RBFOX1: variants seen among roughly 807,000 people sequenced by gnomAD.
RBFOX1 encodes RNA binding fox-1 homolog 1.
A neutral mutation model predicts 57.7 loss-of-function variants in RBFOX1; 8 were observed. The observed-to-expected ratio is 0.14, with a 90% CI of 0.08 to 0.25. The LOEUF (loss-of-function observed/expected upper bound fraction) is 0.25. Ranked by LOEUF, RBFOX1 falls within the 10% of genes least tolerant of loss-of-function variation. The pLI is 1.00. For synonymous variants in RBFOX1, 326 were observed against 222.4 expected (o/e 1.47, Z -4.15); for missense variants, 611 against 548.5 (o/e 1.11, Z -1.14).
intron 3 of RBFOX1, among the ~76,000 whole-genome samples, chr16:5,665,541 G>A (rs1350568882): frequency 6.6e-6 from 1 of 152,196 alleles, no homozygotes; most frequent in Non-Finnish European, 1.5e-5. Flanking sequence ...TATGTTTGCT[G>A]TTTCCCTGAC....
chr16:7,698,970 A>T (rs935365963), intron 14 of RBFOX1, among the ~76,000 whole-genome samples: 4 of 152,142 alleles, frequency 2.6e-5, no homozygotes, highest in African/African-American at 9.7e-5. Context: ...GCAGAATTTT[A>T]AAAAATGGAA....
chr16:6,412,853 G>A (rs540093699), intron 2 of RBFOX1, among the ~76,000 whole-genome samples: 32 of 152,312 alleles, frequency 2.1e-4, no homozygotes, highest in African/African-American at 7.7e-4. Flanking sequence ...AGAGTTACTG[G>A]AGCGTGCACC....
chr16:7,473,419 T>G (rs1311920499), intron 4 of RBFOX1, among the ~76,000 whole-genome samples: 1 of 148,092 alleles, frequency 6.8e-6, no homozygotes, highest in Non-Finnish European at 1.5e-5. Flanking sequence ...ATGTTATATA[T>G]ACATAGTATA....
At chr16:5,451,738 A>G (rs1297715958) in intron 1 of RBFOX1, among the ~76,000 whole-genome samples, 1 of 152,202 alleles carries the variant, frequency 6.6e-6, no homozygotes, top group Non-Finnish European at 1.5e-5. Flanking sequence ...CGGGTTCCAC[A>G]TACGGATACC....
At chr16:6,456,711 G>A (rs2094782800) in intron 2 of RBFOX1, among the ~76,000 whole-genome samples, 1 of 152,154 alleles carries the variant, frequency 6.6e-6, no homozygotes, top group Non-Finnish European at 1.5e-5. Context: ...GGGAATAATG[G>A]CTATGGGAAT....
At chr16:6,410,245 A>C (rs920419280) in intron 2 of RBFOX1, among the ~76,000 whole-genome samples, 3 of 150,846 alleles carry the variant, frequency 2.0e-5, no homozygotes, top group Non-Finnish European at 4.4e-5. Context: ...CAAGAAAATA[A>C]ATAATCCAAA....
At chr16:7,705,125 A>AAACAT (rs2082020635) in intron 14 of RBFOX1, among the ~76,000 whole-genome samples, 1 of 152,046 alleles carries the variant, frequency 6.6e-6, no homozygotes, top group African/African-American at 2.4e-5. Flanking sequence ...ATTTGATTTG[A>AAACAT]AACATAAAAG....
At chr16:6,451,497 A>G (rs1793331196) in intron 2 of RBFOX1, among the ~76,000 whole-genome samples, 1 of 152,150 alleles carries the variant, frequency 6.6e-6, no homozygotes, top group African/African-American at 2.4e-5. Context: ...CAGTTGCTCA[A>G]CACTTCCACC....
intron 4 of RBFOX1, among the ~76,000 whole-genome samples, chr16:7,203,845 A>C (rs979600985): frequency 1.3e-5 from 2 of 152,226 alleles, no homozygotes; most frequent in Non-Finnish European, 2.9e-5. Context: ...GGATTTAACC[A>C]GAAATCTAAG....
intron 4 of RBFOX1, among the ~76,000 whole-genome samples, chr16:7,445,260 T>C (rs1175634267): frequency 6.6e-6 from 1 of 152,076 alleles, no homozygotes; most frequent in African/African-American, 2.4e-5. Context: ...AAATTAATAA[T>C]AGGAAATTAG....
intron 13 of RBFOX1, among the ~76,000 whole-genome samples, chr16:7,670,386 A>G (rs1337069806): frequency 6.6e-6 from 1 of 152,222 alleles, no homozygotes; most frequent in African/African-American, 2.4e-5. Context: ...AAAAATCTTC[A>G]GACACTGGGC....
intron 1 of RBFOX1, among the ~76,000 whole-genome samples, chr16:5,342,474 A>G (rs1324221440): frequency 6.6e-6 from 1 of 152,190 alleles, no homozygotes; most frequent in Non-Finnish European, 1.5e-5. Context: ...AATGTCATCT[A>G]ATCTCCATGG....
intron 5 of RBFOX1, among the ~76,000 whole-genome samples, chr16:7,571,326 G>A (rs2092750585): frequency 6.6e-6 from 1 of 152,130 alleles, no homozygotes; most frequent in East Asian, 1.9e-4. Context: ...GAAACCCCAG[G>A]AGGGGGACAG....
chr16:5,628,886 C>T (rs1596508405), intron 3 of RBFOX1, among the ~76,000 whole-genome samples: 1 of 152,138 alleles, frequency 6.6e-6, no homozygotes, highest in Non-Finnish European at 1.5e-5. Flanking sequence ...AAGCTAAGTC[C>T]TAAGACGTTA....
At chr16:6,555,559 G>T (rs113113740) in intron 2 of RBFOX1, among the ~76,000 whole-genome samples, 1 of 151,948 alleles carries the variant, frequency 6.6e-6, no homozygotes, top group Non-Finnish European at 1.5e-5. Flanking sequence ...AATTAGCCGG[G>T]CGTGGTGGCG....
At chr16:7,373,872 G>T (rs1273030631) in intron 4 of RBFOX1, among the ~76,000 whole-genome samples, 1 of 152,188 alleles carries the variant, frequency 6.6e-6, no homozygotes, top group African/African-American at 2.4e-5. Flanking sequence ...GTGAGAGAGA[G>T]TTTAGGTACA....
At chr16:6,585,010 C>T (rs1404818794) in intron 2 of RBFOX1, among the ~76,000 whole-genome samples, 2 of 152,136 alleles carry the variant, frequency 1.3e-5, no homozygotes, top group African/African-American at 2.4e-5. Context: ...TGCAGGCAAG[C>T]GGATTCCCAG....
At chr16:5,706,450 C>G (rs1177538520) in intron 3 of RBFOX1, among the ~76,000 whole-genome samples, 1 of 152,118 alleles carries the variant, frequency 6.6e-6, no homozygotes. Context: ...GGTGCTCCCC[C>G]GTCATTTATG....
chr16:6,891,920 C>A lies in RBFOX1; in HGVS notation c.-15-160137C>A, dbSNP rs1030608271. 2.6e-5 allele frequency among the ~76,000 whole-genome samples: 4 copies of A among 152,150 alleles called. No individual in the cohort carries two copies. In the East Asian group the frequency reaches 7.7e-4, roughly 29 times the overall value. On this transcript the variant is annotated intron_variant, in intron 3 of 15. Coordinates refer to ENST00000550418, the MANE Select transcript of RBFOX1 (RefSeq NM_018723.4). ...CTCATTCTTTTCTTCCCTTTCTTTCCAGCAAGTCGGTTTTCTGAGAAGGAG... is the reference window on the plus strand; with the variant it reads ...CTCATTCTTTTCTTCCCTTTCTTTCAAGCAAGTCGGTTTTCTGAGAAGGAG...
Sources: gnomAD v4.1 joint callset for allele counts (sites outside exome capture counted in the v4.1 genomes callset) on GRCh38, gnomAD v4.1.1 for gene constraint, MANE v1.5 for transcripts, NCBI Gene and HGNC (gene_info 2026-07-23, HGNC 2026-07-21) for gene names.